PRKN: variants seen among roughly 807,000 people sequenced by gnomAD.
The protein encoded by PRKN is parkin RBR E3 ubiquitin protein ligase.
In PRKN, 56 loss-of-function variants were observed where a neutral mutation model predicts 59.5. The ratio of observed to expected loss-of-function variants is 0.94; its 90% CI spans 0.76 to 1.18. The LOEUF (loss-of-function observed/expected upper bound fraction) is 1.18. Among genes scored for constraint, PRKN ranks in the 50% most tolerant of loss-of-function variants. The probability of loss-of-function intolerance (pLI) is 0.00; values close to 1 mark genes in which losing one functional copy is unlikely to be tolerated. For synonymous variants in PRKN, 250 were observed against 222.1 expected, an observed-to-expected ratio of 1.13 and a Z score of -1.12; for missense variants, 657 against 596.4, an observed-to-expected ratio of 1.10 and a Z score of -1.06.
Position 161,549,059 on chromosome 6 carries a change from A to G in PRKN, c.934-56T>C, listed in dbSNP as rs1779900132. On this transcript the variant is annotated intron_variant, in intron 8 of 11. Transcript: ENST00000366898. The surrounding 1 kb of genome is among the most constrained non-coding windows in gnomAD (Gnocchi z 6.0). ...CAAACTGACTGCAAATTTCAGCCAAAGGGTTAGGAGCTACAGTGCATGGGA... is the reference window on the plus strand; with the variant it reads ...CAAACTGACTGCAAATTTCAGCCAAGGGGTTAGGAGCTACAGTGCATGGGA... The G allele has an allele frequency of 6.3e-7, 1 of 1,597,326 alleles. No homozygotes were observed. The highest frequency in any genetic ancestry group is 1.3e-5 in the African/African-American group (1 of 74,604).
chr6:162,693,550 T>C (rs1381636644), intron 1 of PRKN, among the ~76,000 whole-genome samples: 1 of 152,122 alleles, frequency 6.6e-6, no homozygotes, highest in African/African-American at 2.4e-5. Flanking sequence ...TGGCCCCCTC[T>C]CTAAATGCAT....
chr6:162,527,348 G>A (rs575616868), intron 1 of PRKN, among the ~76,000 whole-genome samples: 1 of 152,244 alleles, frequency 6.6e-6, no homozygotes, highest in East Asian at 1.9e-4. Flanking sequence ...TCGAAGGTAT[G>A]CAAAAACCGT....
intron 9 of PRKN, among the ~76,000 whole-genome samples, chr6:161,539,966 G>A (rs1779559861): frequency 6.6e-6 from 1 of 152,068 alleles, no homozygotes; most frequent in African/African-American, 2.4e-5. Context: ...TAATACTATG[G>A]AAAAGTGGAT....
intron 1 of PRKN, among the ~76,000 whole-genome samples, chr6:162,620,621 GT>G: frequency 6.6e-6 from 1 of 152,114 alleles, no homozygotes; most frequent in East Asian, 1.9e-4. Flanking sequence ...TTTAGTTTCA[GT>G]TTTCCCTTTA....
chr6:161,943,932 C>CTGAGGAAGCAGCCT (rs1554252566), intron 6 of PRKN, among the ~76,000 whole-genome samples: 1 of 130,808 alleles, frequency 7.6e-6, no homozygotes, highest in African/African-American at 3.0e-5. Flanking sequence ...AGGAAGCAGC[C>CTGAGGAAGCAGCCT]TGAGGAAGCA....
chr6:161,492,527 A>T (rs758368604), intron 9 of PRKN, among the ~76,000 whole-genome samples: 38 of 152,242 alleles, frequency 2.5e-4, no homozygotes, highest in Non-Finnish European at 4.1e-4. Context: ...GAACTGCTAA[A>T]TTCCATCTCT....
At chr6:162,709,700 G>A (rs1778458332) in intron 1 of PRKN, among the ~76,000 whole-genome samples, 1 of 152,290 alleles carries the variant, frequency 6.6e-6, no homozygotes, top group East Asian at 1.9e-4. Flanking sequence ...ACAGTAACTG[G>A]CTAAAATGTA....
chr6:161,711,229 T>C (rs953084654), intron 7 of PRKN, among the ~76,000 whole-genome samples: 1 of 152,174 alleles, frequency 6.6e-6, no homozygotes, highest in East Asian at 1.9e-4. Flanking sequence ...CTGCCTTTGA[T>C]AGTTTTACTG....
chr6:162,052,481 T>G (rs1384725493), intron 5 of PRKN, among the ~76,000 whole-genome samples: 1 of 152,212 alleles, frequency 6.6e-6, no homozygotes, highest in Non-Finnish European at 1.5e-5. Flanking sequence ...TCCACATATA[T>G]GTTGTGATTT....
intron 4 of PRKN, among the ~76,000 whole-genome samples, chr6:162,136,536 T>C (rs569796717): frequency 2.0e-5 from 3 of 152,310 alleles, no homozygotes; most frequent in South Asian, 4.1e-4. Context: ...ATTTACCAGG[T>C]ATGTAATTTG....
At chr6:162,036,221 G>T (rs1162106390) in intron 5 of PRKN, among the ~76,000 whole-genome samples, 1 of 151,670 alleles carries the variant, frequency 6.6e-6, no homozygotes, top group South Asian at 2.1e-4. Flanking sequence ...CTACTCGGGA[G>T]GCTGCGGCAG....
At position 161,442,335 on chromosome 6, in the gene PRKN, T is replaced by C. The variant is rs1562452417; in HGVS notation, c.1084-55458A>G. ...AACATAAAATGATTAGCACAAAAAA[T>C]ACACCATGAAATGAGTTTAAAGTCC... On this transcript the variant is annotated intron_variant, in intron 9 of 11. Transcript: ENST00000366898. The surrounding 1 kb of genome is among the most constrained non-coding windows in gnomAD (Gnocchi z 4.6). Among the ~76,000 whole-genome samples the C allele has an allele frequency of 6.6e-6, 1 of 152,076 alleles. No homozygotes were observed. Among genetic ancestry groups the C allele is most frequent in the East Asian group, 1.9e-4 (1 of 5,174 alleles).
rs1786529936 is a variant in PRKN at position 161,392,094 on chromosome 6, G to C, written c.1084-5217C>G. 2.0e-5 allele frequency among the ~76,000 whole-genome samples: 3 copies of C among 152,060 alleles called. 1 individual carries two copies. The South Asian group carries it at 6.2e-4, about 32-fold the overall frequency. ...CTCTGGTGAAGCTCTGGCTGATAAAGCTCCTATAGAAACAAATTATTTTTA... is the reference window on the plus strand; with the variant it reads ...CTCTGGTGAAGCTCTGGCTGATAAACCTCCTATAGAAACAAATTATTTTTA... On this transcript the variant is annotated intron_variant, in intron 9 of 11. Coordinates refer to ENST00000366898, the MANE Select transcript of PRKN (RefSeq NM_004562.3).
chr6:161,698,854 G>A (rs1037614016), intron 7 of PRKN, among the ~76,000 whole-genome samples: 2 of 152,216 alleles, frequency 1.3e-5, no homozygotes, highest in Admixed American at 6.6e-5. Context: ...GCAGAAAACA[G>A]AAGAGAAAAG....
chr6:161,387,229 C>T (rs541988452), intron 9 of PRKN, among the ~76,000 whole-genome samples: 5 of 152,268 alleles, frequency 3.3e-5, no homozygotes, highest in Non-Finnish European at 5.9e-5. Flanking sequence ...ATGGGAAAGA[C>T]CTGGTGGGAG....
At chr6:161,822,166 G>A (rs944453730) in intron 6 of PRKN, among the ~76,000 whole-genome samples, 1 of 151,990 alleles carries the variant, frequency 6.6e-6, no homozygotes, top group Non-Finnish European at 1.5e-5. Flanking sequence ...ATATTTAATG[G>A]GACATGCGGT....
At chr6:162,022,972 G>C (rs1254029665) in intron 5 of PRKN, among the ~76,000 whole-genome samples, 2 of 152,122 alleles carry the variant, frequency 1.3e-5, no homozygotes, top group Admixed American at 1.3e-4. Flanking sequence ...TTGTAGGTAT[G>C]AGGCTTTATT....
At chr6:162,488,040 T>G (rs903473130) in intron 1 of PRKN, among the ~76,000 whole-genome samples, 10 of 150,590 alleles carry the variant, frequency 6.6e-5, no homozygotes, top group African/African-American at 2.4e-4. Context: ...TTTTTTTTTT[T>G]TTTTTTTTTT....
At chr6:161,819,239 T>G (rs2128215669) in intron 6 of PRKN, among the ~76,000 whole-genome samples, 1 of 152,252 alleles carries the variant, frequency 6.6e-6, no homozygotes, top group East Asian at 1.9e-4. Flanking sequence ...GGCTCATGCC[T>G]GTAATACTTT....
Sources: allele counts gnomAD v4.1 joint callset (sites outside exome capture counted in the v4.1 genomes callset), GRCh38; gene constraint gnomAD v4.1.1; non-coding constraint Gnocchi (gnomAD v3.1); transcripts MANE v1.5; gene names NCBI Gene and HGNC (gene_info 2026-07-23, HGNC 2026-07-21).